Variants in ZNF236 observed in about 807,000 individuals in gnomAD.
ZNF236 encodes the protein regulated by glucose.
In ZNF236, 50 loss-of-function variants were observed where a neutral mutation model predicts 191.2. The observed-to-expected ratio is 0.26, with a 90% CI of 0.21 to 0.33. The LOEUF is 0.33. ZNF236 is among the 10% of genes least tolerant of loss of function. ZNF236 has a pLI of 1.00. For synonymous variants in ZNF236, 907 were observed against 928.8 expected (o/e 0.98, Z 0.43); for missense variants, 1,754 against 2,374.5 (o/e 0.74, Z 5.43).
intron 25 of ZNF236, chr18:76,936,375 C>G (rs772622660): frequency 2.2e-6 from 1 of 456,634 alleles, no homozygotes; most frequent in Non-Finnish European, 4.4e-6. Flanking sequence ...CACTACAGGA[C>G]TTTGATAATC....
At chr18:76,889,324 CTG>C (rs555116516) in intron 9 of ZNF236, among the ~76,000 whole-genome samples, 2 of 152,216 alleles carry the variant, frequency 1.3e-5, no homozygotes, top group Non-Finnish European at 2.9e-5. Context: ...CTTGGCACCT[CTG>C]ATGCTCTGCC....
At chr18:76,833,565 C>A (rs1027431255) in intron 1 of ZNF236, among the ~76,000 whole-genome samples, 4 of 151,982 alleles carry the variant, frequency 2.6e-5, no homozygotes, top group Non-Finnish European at 5.9e-5. Context: ...CGATATTATT[C>A]TTTTTTGTAT....
chr18:76,845,374 A>G (rs1975644351), intron 1 of ZNF236, among the ~76,000 whole-genome samples: 1 of 152,196 alleles, frequency 6.6e-6, no homozygotes, highest in Non-Finnish European at 1.5e-5. Flanking sequence ...GGGCAGAAAC[A>G]GGTAGCTGAA....
intron 1 of ZNF236, among the ~76,000 whole-genome samples, chr18:76,836,355 G>A (rs894718986): frequency 1.3e-5 from 2 of 151,834 alleles, no homozygotes; most frequent in African/African-American, 4.8e-5. Flanking sequence ...CAAGTAGCTG[G>A]GACTACAGGT....
chr18:76,862,216 A>G (rs1340305216), intron 3 of ZNF236, among the ~76,000 whole-genome samples: 1 of 152,134 alleles, frequency 6.6e-6, no homozygotes, highest in Non-Finnish European at 1.5e-5. Flanking sequence ...AGAAGCCTGC[A>G]GCCTTCTGCC....
intron 3 of ZNF236, among the ~76,000 whole-genome samples, chr18:76,855,307 G>C (rs1976011133): frequency 6.6e-6 from 1 of 152,182 alleles, no homozygotes; most frequent in African/African-American, 2.4e-5. Flanking sequence ...CACACGGTAA[G>C]AAATCAAACA....
At chr18:76,862,234 G>A (rs769248324) in intron 3 of ZNF236, among the ~76,000 whole-genome samples, 5 of 152,230 alleles carry the variant, frequency 3.3e-5, no homozygotes, top group South Asian at 2.1e-4. Context: ...GCCAACAAGC[G>A]GAGAAGAAAA....
At chr18:76,851,187 C>A (rs1275113313) in intron 2 of ZNF236, among the ~76,000 whole-genome samples, 1 of 149,812 alleles carries the variant, frequency 6.7e-6, no homozygotes. Flanking sequence ...TACACACTTA[C>A]AAACGGCAAA....
intron 2 of ZNF236, among the ~76,000 whole-genome samples, chr18:76,850,241 T>C (rs1407931288): frequency 1.3e-5 from 2 of 152,186 alleles, no homozygotes; most frequent in African/African-American, 4.8e-5. Context: ...TGTCAACTTT[T>C]CTCTAGGTAG....
chr18:76,843,153 T>C (rs1975559834), intron 1 of ZNF236, among the ~76,000 whole-genome samples: 4 of 152,062 alleles, frequency 2.6e-5, no homozygotes, highest in Admixed American at 2.6e-4. Flanking sequence ...CTTAACAAGC[T>C]GGAAAAAGAT....
intron 1 of ZNF236, among the ~76,000 whole-genome samples, chr18:76,830,702 A>G (rs967918446): frequency 6.6e-6 from 1 of 152,178 alleles, no homozygotes; most frequent in Non-Finnish European, 1.5e-5. Context: ...GTGTTGGGCC[A>G]TATTCAAAGC....
Position 76,875,642 on chromosome 18 carries a change from A to T in ZNF236, c.818A>T (p.His273Leu). Residue 273 changes from histidine (H) to leucine (L), a missense_variant, in exon 6 of 31, where the codon CAC (histidine) becomes CTC (leucine). Physicochemically the swap from His to Leu is moderately conservative, Grantham distance 99. Around this residue, in one of 5 missense-constraint regions of ZNF236, gnomAD observed 336 missense variants for 495.1 expected, o/e 0.68. Transcript: ENST00000320610. The surrounding 1 kb of genome is among the most constrained non-coding windows in gnomAD (Gnocchi z 4.3). ...TCTCAGAAAGGGAATCTTCAGTCGC[A>T]CGTGCAGCGAGTCCACTCAGAGGTA... Reference protein sequence around the residue: ...AFSQKGNLQSHVQRVHSEVKN... With the variant: ...AFSQKGNLQSLVQRVHSEVKN... 6.3e-7 allele frequency: 1 copy of T among 1,594,380 alleles called. No individual in the cohort carries two copies. Among genetic ancestry groups the T allele is most frequent in the Non-Finnish European group, 8.6e-7 (1 of 1,168,828 alleles).
chr18:76,938,981 G>A (rs1238332940), intron 26 of ZNF236, among the ~76,000 whole-genome samples: 1 of 152,158 alleles, frequency 6.6e-6, no homozygotes, highest in Admixed American at 6.5e-5. Context: ...ACTCCTGCTT[G>A]TCACATAATT....
chr18:76,874,636 G>T (rs929206111), intron 5 of ZNF236, among the ~76,000 whole-genome samples: 6 of 152,130 alleles, frequency 3.9e-5, no homozygotes, highest in Non-Finnish European at 8.8e-5. Flanking sequence ...GGACACAGGA[G>T]ATTTTAATGT....
At chr18:76,917,275 A>C (rs945724440) in intron 19 of ZNF236, among the ~76,000 whole-genome samples, 1 of 152,246 alleles carries the variant, frequency 6.6e-6, no homozygotes, top group African/African-American at 2.4e-5. Context: ...GTTAAAGGCT[A>C]TAGGACATCC....
intron 20 of ZNF236, among the ~76,000 whole-genome samples, chr18:76,921,452 A>G (rs1967530806): frequency 6.6e-6 from 1 of 152,210 alleles, no homozygotes; most frequent in South Asian, 2.1e-4. Context: ...TGAGATGTTT[A>G]TAAGAAGGAG....
At chr18:76,829,284 G>A (rs1287242231) in intron 1 of ZNF236, among the ~76,000 whole-genome samples, 1 of 151,532 alleles carries the variant, frequency 6.6e-6, no homozygotes, top group Non-Finnish European at 1.5e-5. Flanking sequence ...CCTGGAGCGT[G>A]GCTCTCACCC....
At position 76,970,306 on chromosome 18, in the gene ZNF236, T is replaced by C. The variant is rs2122997512; in HGVS notation, c.*1967T>C. ...TTCCTAATTGTATAGAAAGCTAGTT[T>C]GGTGAATTGTATTGGTTAATTGACT... On this transcript the variant is annotated 3_prime_UTR_variant, in exon 31 of 31. Coordinates refer to ENST00000320610, the MANE Select transcript of ZNF236 (RefSeq NM_001306089.2). The C allele has an allele frequency of 6.5e-6, 1 of 152,780 alleles. No homozygotes were observed. Among genetic ancestry groups the C allele is most frequent in the Non-Finnish European group, 1.5e-5 (1 of 68,040 alleles). 9.5% of individuals were successfully genotyped at this position (152,780 alleles called of 1,614,324 possible). A position where few individuals can be genotyped will look rare whatever the true frequency, so the allele number is the denominator to read the frequency against.
At position 76,895,212 on chromosome 18, in the gene ZNF236, G is replaced by A. The variant is rs778275854; in HGVS notation, c.1617G>A (p.Ala539=). The change falls in exon 10 of 31, where the codon GCG becomes GCA. Residue 539 remains alanine, a synonymous_variant. Coordinates refer to ENST00000320610, the MANE Select transcript of ZNF236 (RefSeq NM_001306089.2). ...TCAAGACGCACACCGGCATCAAGGC[G>A]TTCAAGTGCCAGTACTGCATGAAGA... ...AHIKTHTGIK[A]FKCQYCMKSF... is the part of the protein sequence containing the mutation. The A allele has an allele frequency of 5.6e-6, 9 of 1,601,522 alleles. No individual in the cohort carries two copies. In the Admixed American group the frequency reaches 1.0e-4, roughly 18 times the overall value.
Sources: gnomAD v4.1 joint callset for allele counts (sites outside exome capture counted in the v4.1 genomes callset) on GRCh38, gnomAD v4.1.1 for gene constraint, gnomAD v4.1.1 regional missense constraint, Gnocchi (gnomAD v3.1) non-coding constraint, MANE v1.5 for transcripts, NCBI Gene and HGNC (gene_info 2026-07-23, HGNC 2026-07-21) for gene names.